Variants in CHSY3 observed in about 807,000 individuals in gnomAD.
CHSY3 encodes the protein chondroitin sulfate synthase 3.
In CHSY3, 35 loss-of-function variants were observed where a neutral mutation model predicts 67.2. The ratio of observed to expected loss-of-function variants is 0.52; its 90% CI spans 0.40 to 0.69. CHSY3 has a LOEUF of 0.69. Among genes scored for constraint, CHSY3 ranks in the 30% least tolerant of loss-of-function variants. CHSY3 has a pLI of 0.00. For synonymous variants in CHSY3, 474 were observed against 434.7 expected (o/e 1.09, Z -1.12); for missense variants, 1,069 against 1,138.5 (o/e 0.94, Z 0.88).
chr5:129,950,244 A>G (rs752800091), intron 2 of CHSY3, among the ~76,000 whole-genome samples: 12 of 152,074 alleles, frequency 7.9e-5, no homozygotes, highest in Admixed American at 3.3e-4. Flanking sequence ...TCATGACAAA[A>G]ATTTTAAACA....
At chr5:130,174,349 A>C (rs1769982806) in intron 2 of CHSY3, among the ~76,000 whole-genome samples, 1 of 152,048 alleles carries the variant, frequency 6.6e-6, no homozygotes, top group South Asian at 2.1e-4. Context: ...TTCAGATTGA[A>C]GTAACTTCTT....
intron 2 of CHSY3, among the ~76,000 whole-genome samples, chr5:129,934,740 T>C (rs1465197324): frequency 1.3e-5 from 2 of 152,292 alleles, no homozygotes; most frequent in South Asian, 2.1e-4. Flanking sequence ...CCAAAAATAA[T>C]GCTGACATAT....
chr5:129,935,278 A>G (rs928647498), intron 2 of CHSY3, among the ~76,000 whole-genome samples: 2 of 152,170 alleles, frequency 1.3e-5, no homozygotes, highest in Non-Finnish European at 2.9e-5. Flanking sequence ...TAGTAGTCAC[A>G]TATACGTGAA....
chr5:130,144,094 G>A (rs1319077515), intron 2 of CHSY3, among the ~76,000 whole-genome samples: 1 of 150,330 alleles, frequency 6.7e-6, no homozygotes, highest in African/African-American at 2.4e-5. Context: ...TGCTTAAAGG[G>A]TTTAAGAAGT....
intron 2 of CHSY3, among the ~76,000 whole-genome samples, chr5:129,961,632 A>T (rs1561474664): frequency 2.0e-5 from 3 of 150,380 alleles, no homozygotes; most frequent in South Asian, 2.1e-4. Flanking sequence ...CTGATCACAC[A>T]TTTTTTTTTC....
intron 2 of CHSY3, among the ~76,000 whole-genome samples, chr5:130,028,198 T>G (rs905401173): frequency 6.6e-6 from 1 of 152,036 alleles, no homozygotes; most frequent in African/African-American, 2.4e-5. Context: ...AAAAGAGCCC[T>G]CATTGCCAAG....
chr5:130,153,161 G>A (rs1466056797), intron 2 of CHSY3, among the ~76,000 whole-genome samples: 2 of 152,108 alleles, frequency 1.3e-5, no homozygotes, highest in Non-Finnish European at 2.9e-5. Context: ...AGTCTGGAAG[G>A]CGGAGGTTGC....
At chr5:130,105,338 A>T (rs1767380360) in intron 2 of CHSY3, among the ~76,000 whole-genome samples, 1 of 151,722 alleles carries the variant, frequency 6.6e-6, no homozygotes, top group Non-Finnish European at 1.5e-5. Context: ...CCTGAGATAG[A>T]AGTGGCTCCT....
chr5:130,181,593 A>T (rs780388677), intron 2 of CHSY3, among the ~76,000 whole-genome samples: 1 of 152,306 alleles, frequency 6.6e-6, no homozygotes, highest in East Asian at 1.9e-4. Flanking sequence ...AGTATAGCAG[A>T]TAAATATATC....
At chr5:130,116,715 TCACAGAAA>T (rs1767816427) in intron 2 of CHSY3, among the ~76,000 whole-genome samples, 1 of 152,184 alleles carries the variant, frequency 6.6e-6, no homozygotes, top group Non-Finnish European at 1.5e-5. Context: ...TGTGTGCTAC[TCACAGAAA>T]TGCGGACCTG....
At chr5:129,939,250 G>A (rs540181704) in intron 2 of CHSY3, among the ~76,000 whole-genome samples, 19 of 152,176 alleles carry the variant, frequency 1.2e-4, no homozygotes, top group Non-Finnish European at 2.4e-4. Flanking sequence ...CCCAACCCCC[G>A]ATTCAGTCAC....
At chr5:130,026,787 CAT>C (rs1177172459) in intron 2 of CHSY3, among the ~76,000 whole-genome samples, 2 of 152,102 alleles carry the variant, frequency 1.3e-5, no homozygotes, top group Non-Finnish European at 2.9e-5. Flanking sequence ...TAAACAATAA[CAT>C]GTAATTAAGT....
Position 130,179,400 on chromosome 5 carries a change from CTT to C in CHSY3, c.1087-4828_1087-4827del, listed in dbSNP as rs1190249352. Reference sequence around the variant, plus strand: ...ACCCTCCTATCAATATGATTTCTCTCTTGTCTGTCATTAACTCTTTATTTCTA... The same window carrying C: ...ACCCTCCTATCAATATGATTTCTCTCGTCTGTCATTAACTCTTTATTTCTA... On this transcript the variant is annotated intron_variant, in intron 2 of 2. Transcript: ENST00000305031. Among the ~76,000 whole-genome samples, 33 of 152,102 alleles carry C rather than the reference CTT, an allele frequency of 2.2e-4. No individual in the cohort carries two copies. In the East Asian group the frequency reaches 2.7e-3, roughly 12 times the overall value.
intron 2 of CHSY3, among the ~76,000 whole-genome samples, chr5:129,988,727 A>G (rs1763274375): frequency 6.6e-6 from 1 of 152,224 alleles, no homozygotes. Context: ...TCAAAGATAT[A>G]ATCATGTGAA....
At position 130,186,347 on chromosome 5, in the gene CHSY3, G is replaced by A. The variant is rs1245975141; in HGVS notation, c.*556G>A. 1 of 150,444 alleles carries A rather than the reference G, an allele frequency of 6.6e-6. No individual in the cohort carries two copies. The highest frequency in any genetic ancestry group is 1.5e-5 in the Non-Finnish European group (1 of 67,996). 9.3% of individuals were successfully genotyped at this position (150,444 alleles called of 1,614,324 possible). On this transcript the variant is annotated 3_prime_UTR_variant, in exon 3 of 3. Transcript: ENST00000305031. The stretch of plus-strand genomic sequence containing the variant: ...AGTAAATGAATACCTATGATTGTAT[G>A]TTTATTTTTTAAAAAAAGTTTTAAA...
intron 2 of CHSY3, among the ~76,000 whole-genome samples, chr5:130,035,941 CA>C (rs1764851436): frequency 7.9e-6 from 1 of 126,548 alleles, no homozygotes; most frequent in Non-Finnish European, 1.6e-5. Context: ...AGTTCATGAG[CA>C]TCAATGTGTG....
At chr5:129,918,904 G>A (rs1472573946) in intron 2 of CHSY3, among the ~76,000 whole-genome samples, 1 of 148,360 alleles carries the variant, frequency 6.7e-6, no homozygotes, top group Non-Finnish European at 1.5e-5. Flanking sequence ...TCAGGAGATC[G>A]AGACCATCCT....
chr5:129,987,979 T>C (rs552621813), intron 2 of CHSY3, among the ~76,000 whole-genome samples: 29 of 152,194 alleles, frequency 1.9e-4, no homozygotes, highest in Non-Finnish European at 3.4e-4. Context: ...TGTGCCATGA[T>C]ATTTATAAGT....
intron 2 of CHSY3, among the ~76,000 whole-genome samples, chr5:130,096,497 T>C (rs1767052240): frequency 6.6e-6 from 1 of 152,202 alleles, no homozygotes; most frequent in African/African-American, 2.4e-5. Flanking sequence ...TCAAAGTGCT[T>C]AGTTTTGATA....
Sources: gnomAD v4.1 joint callset for allele counts (sites outside exome capture counted in the v4.1 genomes callset) on GRCh38, gnomAD v4.1.1 for gene constraint, MANE v1.5 for transcripts, NCBI Gene and HGNC (gene_info 2026-07-23, HGNC 2026-07-21) for gene names.